The following DCHS2 variants were observed in gnomAD, a reference collection of about 807,000 sequenced individuals.
The protein encoded by DCHS2 is protocadherin-23.
In DCHS2, 142 loss-of-function variants were observed where a neutral mutation model predicts 182.4. The observed-to-expected ratio is 0.78, with a 90% CI of 0.68 to 0.89. DCHS2 has a LOEUF of 0.89. Ranked by LOEUF, DCHS2 falls within the 40% of genes least tolerant of loss-of-function variation. The pLI is 0.00. For synonymous variants in DCHS2, 1,740 were observed against 1,663.3 expected, an observed-to-expected ratio of 1.05 and a Z score of -1.12; for missense variants, 4,319 against 4,198.6, an observed-to-expected ratio of 1.03 and a Z score of -0.79.
chr4:154,346,576 T>C (rs1430776032), intron 3 of DCHS2, among the ~76,000 whole-genome samples: 1 of 150,020 alleles, frequency 6.7e-6, no homozygotes, highest in Non-Finnish European at 1.5e-5. Context: ...TTCTACCTAA[T>C]TGCCCATTTA....
chr4:154,314,656 T>C (rs1578953515), intron 10 of DCHS2, among the ~76,000 whole-genome samples: 1 of 152,170 alleles, frequency 6.6e-6, no homozygotes, highest in Admixed American at 6.5e-5. Context: ...ATTAACAATG[T>C]ACAAGGAAAT....
At chr4:154,310,042 G>A (rs1242981926) in intron 10 of DCHS2, among the ~76,000 whole-genome samples, 1 of 152,300 alleles carries the variant, frequency 6.6e-6, no homozygotes, top group Non-Finnish European at 1.5e-5. Flanking sequence ...GACCCAAATT[G>A]AGTGGCAGGT....
intron 1 of DCHS2, among the ~76,000 whole-genome samples, chr4:154,408,328 C>G (rs927814864): frequency 5.3e-5 from 8 of 152,066 alleles, no homozygotes; most frequent in African/African-American, 1.9e-4. Flanking sequence ...ATTTAATGAG[C>G]AAATTTAATA....
intron 14 of DCHS2, among the ~76,000 whole-genome samples, chr4:154,264,994 AT>A (rs1296864837): frequency 6.6e-6 from 1 of 152,214 alleles, no homozygotes; most frequent in African/African-American, 2.4e-5. Context: ...GAGAATATTG[AT>A]TAATGTTGGA....
chr4:154,491,796 G>A lies in DCHS2; in HGVS notation c.-441C>T. 1.0e-6 allele frequency: 1 copy of A among 987,020 alleles called. No individual in the cohort carries two copies. The allele number at this position is 987,020 out of a possible 1,614,324, so 61.1% of individuals were successfully genotyped here. A position where few individuals can be genotyped will look rare whatever the true frequency, so the allele number is the denominator to read the frequency against. The stretch of plus-strand genomic sequence containing the variant: ...GGGGATCTGGCCGGAGTAGGGGGTG[G>A]AGTAAGGGCGTGGAGGCAGGGAGTC... On this transcript the variant is annotated 5_prime_UTR_variant, in exon 1 of 20. Coordinates refer to ENST00000357232, the MANE Select transcript of DCHS2 (RefSeq NM_001358235.2).
At chr4:154,459,761 TCTCTCTCTCTCTC>T (rs1734933408) in intron 1 of DCHS2, among the ~76,000 whole-genome samples, 1 of 151,558 alleles carries the variant, frequency 6.6e-6, no homozygotes, top group African/African-American at 2.4e-5. Context: ...TCTCTCTCTC[TCTCTCTCTCTCTC>T]TCTCTCTCTA....
intron 14 of DCHS2, among the ~76,000 whole-genome samples, chr4:154,265,230 A>G (rs1181503773): frequency 6.6e-6 from 1 of 152,144 alleles, no homozygotes; most frequent in African/African-American, 2.4e-5. Flanking sequence ...TTTTTCATTT[A>G]CCGTAGTGAG....
At chr4:154,304,560 G>A in intron 12 of DCHS2, 109 bp downstream of exon 12, 1 of 900,716 alleles carries the variant, frequency 1.1e-6, no homozygotes. Flanking sequence ...TTGAACCTGG[G>A]AGGTGAAGTT....
chr4:154,303,379 T>C (rs1735295108), intron 12 of DCHS2, among the ~76,000 whole-genome samples: 1 of 151,502 alleles, frequency 6.6e-6, no homozygotes, highest in Non-Finnish European at 1.5e-5. Context: ...ATTTAGGATA[T>C]GCTGGGAAAC....
intron 1 of DCHS2, among the ~76,000 whole-genome samples, chr4:154,468,111 A>T (rs539475427): frequency 6.6e-6 from 1 of 152,176 alleles, no homozygotes; most frequent in African/African-American, 2.4e-5. Context: ...TTTCATATAC[A>T]AAAGGATTAT....
At chr4:154,264,388 G>A (rs1473842327) in intron 14 of DCHS2, among the ~76,000 whole-genome samples, 1 of 151,972 alleles carries the variant, frequency 6.6e-6, no homozygotes, top group Non-Finnish European at 1.5e-5. Flanking sequence ...AGGAACAAGA[G>A]GCTATTTTTC....
rs574981604 is a variant in DCHS2, at chr4:154,251,885, T to C, written c.6941+3634A>G. On this transcript the variant is annotated intron_variant, in intron 16 of 19. Coordinates refer to ENST00000357232, the MANE Select transcript of DCHS2 (RefSeq NM_001358235.2). ...ATTTGTCTTTGTGTCCCCAGCTTCA[T>C]GCTTGATAAATAGCTTTTTGTATAT... Among the ~76,000 whole-genome samples the C allele has an allele frequency of 5.3e-4, 80 of 152,338 alleles. No individual in the cohort carries two copies. The South Asian group carries it at 9.7e-3, about 19-fold the overall frequency.
intron 1 of DCHS2, chr4:154,391,379 T>G: frequency 2.0e-6 from 3 of 1,502,362 alleles, no homozygotes; most frequent in Non-Finnish European, 2.7e-6. Flanking sequence ...CAGGTTCACA[T>G]ATGGAAATAC....
chr4:154,427,389 A>C (rs1333006028), intron 1 of DCHS2, among the ~76,000 whole-genome samples: 1 of 152,230 alleles, frequency 6.6e-6, no homozygotes, highest in African/African-American at 2.4e-5. Flanking sequence ...AGCTCTGACC[A>C]ATCTAACAGC....
chr4:154,425,315 A>C (rs1217913370), intron 1 of DCHS2, among the ~76,000 whole-genome samples: 2 of 152,222 alleles, frequency 1.3e-5, no homozygotes, highest in African/African-American at 4.8e-5. Flanking sequence ...CCAGTCCCTC[A>C]AGTAGCGTGT....
chr4:154,408,069 C>T (rs899186263), intron 1 of DCHS2, among the ~76,000 whole-genome samples: 11 of 151,736 alleles, frequency 7.2e-5, no homozygotes, highest in East Asian at 3.9e-4. Context: ...CATCTCTGTA[C>T]GTATTTGATA....
chr4:154,444,806 G>T (rs562921702), intron 1 of DCHS2, among the ~76,000 whole-genome samples: 1 of 152,280 alleles, frequency 6.6e-6, no homozygotes, highest in African/African-American at 2.4e-5. Context: ...ATATTGGCTG[G>T]CCCCTGACCA....
chr4:154,378,508 G>GGAAA (rs1262871544), intron 1 of DCHS2, among the ~76,000 whole-genome samples: 7 of 102,714 alleles, frequency 6.8e-5, no homozygotes, highest in African/African-American at 2.2e-4. Context: ...TGGGAAGGAA[G>GGAAA]GAAGGAAGGA....
intron 1 of DCHS2, among the ~76,000 whole-genome samples, chr4:154,433,989 CAAAGAG>C (rs1383350888): frequency 6.6e-6 from 1 of 152,158 alleles, no homozygotes; most frequent in Non-Finnish European, 1.5e-5. Context: ...AAAATCTTGA[CAAAGAG>C]AAAGTGCATA....
Sources: allele counts gnomAD v4.1 joint callset (sites outside exome capture counted in the v4.1 genomes callset), GRCh38; gene constraint gnomAD v4.1.1; transcripts MANE v1.5; gene names NCBI Gene and HGNC (gene_info 2026-07-23, HGNC 2026-07-21).